Variants in ANO10 observed in about 807,000 individuals in gnomAD.
ANO10 encodes anoctamin 10, also known as anoctamin-10.
A neutral mutation model predicts 74.7 loss-of-function variants in ANO10; 77 were observed. The ratio of observed to expected loss-of-function variants is 1.03; its 90% confidence interval spans 0.86 to 1.25. ANO10 has a LOEUF of 1.25. Among genes scored for constraint, ANO10 ranks in the 50% most tolerant of loss-of-function variants. The probability of loss-of-function intolerance (pLI) is 0.00; values close to 1 mark genes in which losing one functional copy is unlikely to be tolerated. For synonymous variants in ANO10, 279 were observed against 284.9 expected, an observed-to-expected ratio of 0.98 and a Z score of 0.21; for missense variants, 721 against 778.1, an observed-to-expected ratio of 0.93 and a Z score of 0.87.
chr3:43,374,842 C>T lies in ANO10; in HGVS notation c.1915-7868G>A, dbSNP rs147225583. Among the ~76,000 whole-genome samples, 191 of 152,254 alleles carry T rather than the reference C, an allele frequency of 1.3e-3. 3 individuals are homozygous for T. In the East Asian group the frequency reaches 0.028, roughly 22 times the overall value. Reference sequence around the variant, plus strand: ...AGTGCTTAAAACTTTAAGAACTGGCCGGGCGCGGTGGCTCACACCTGTAAT... The same window carrying T: ...AGTGCTTAAAACTTTAAGAACTGGCTGGGCGCGGTGGCTCACACCTGTAAT... On this transcript the variant is annotated intron_variant, in intron 12 of 12. Coordinates refer to ENST00000292246, the MANE Select transcript of ANO10 (RefSeq NM_018075.5).
chr3:43,645,091 C>G (rs1456150992), intron 1 of ANO10, among the ~76,000 whole-genome samples: 2 of 152,026 alleles, frequency 1.3e-5, no homozygotes, highest in Non-Finnish European at 2.9e-5. Context: ...GTCAAGGAGG[C>G]CACATCTCAT....
intron 12 of ANO10, among the ~76,000 whole-genome samples, chr3:43,369,214 A>G (rs2091518016): frequency 6.6e-6 from 1 of 152,246 alleles, no homozygotes; most frequent in South Asian, 2.1e-4. Flanking sequence ...TCTCAGGCCC[A>G]GGGTTGGGGG....
chr3:43,684,697 A>G (rs1261556477), intron 1 of ANO10, among the ~76,000 whole-genome samples: 1 of 152,226 alleles, frequency 6.6e-6, no homozygotes, highest in Non-Finnish European at 1.5e-5. Context: ...TTCAACAATG[A>G]TAGACTGGAT....
At chr3:43,571,662 A>T (rs2080725789) in intron 7 of ANO10, among the ~76,000 whole-genome samples, 1 of 150,238 alleles carries the variant, frequency 6.7e-6, no homozygotes. Flanking sequence ...AGGAAGGGGA[A>T]TATCACACTC....
intron 11 of ANO10, among the ~76,000 whole-genome samples, chr3:43,512,421 C>G (rs2077543991): frequency 6.6e-6 from 1 of 152,120 alleles, no homozygotes; most frequent in South Asian, 2.1e-4. Flanking sequence ...CGCTTCATAA[C>G]AATGTTATGA....
intron 11 of ANO10, 22 bp downstream of exon 11, chr3:43,549,698 A>G (rs775184418): frequency 6.8e-6 from 11 of 1,613,430 alleles, no homozygotes; most frequent in African/African-American, 2.7e-5. Context: ...ACTGCTTAAA[A>G]TAAGTTTAAA....
At chr3:43,494,460 T>A (rs2076843441) in intron 11 of ANO10, among the ~76,000 whole-genome samples, 1 of 151,536 alleles carries the variant, frequency 6.6e-6, no homozygotes, top group Admixed American at 6.6e-5. Flanking sequence ...TCTCAAAAAA[T>A]AAAAAATAGA....
At chr3:43,382,771 C>A (rs1254565931) in intron 12 of ANO10, among the ~76,000 whole-genome samples, 1 of 152,086 alleles carries the variant, frequency 6.6e-6, no homozygotes, top group African/African-American at 2.4e-5. Context: ...ACTAGGAAAC[C>A]TAGAGGAGAC....
At chr3:43,654,332 G>A (rs111871990) in intron 1 of ANO10, among the ~76,000 whole-genome samples, 15 of 151,886 alleles carry the variant, frequency 9.9e-5, no homozygotes, top group Non-Finnish European at 2.2e-4. Flanking sequence ...CTCCTTTTCC[G>A]ACCCCTAGAT....
intron 11 of ANO10, among the ~76,000 whole-genome samples, chr3:43,487,457 T>G (rs1442838960): frequency 2.6e-5 from 4 of 152,100 alleles, no homozygotes; most frequent in Admixed American, 2.6e-4. Flanking sequence ...GTTGGTAAGC[T>G]ATTGATTATT....
At chr3:43,391,193 G>T (rs112008747) in intron 12 of ANO10, among the ~76,000 whole-genome samples, 3 of 152,272 alleles carry the variant, frequency 2.0e-5, no homozygotes, top group African/African-American at 7.2e-5. Context: ...TTCCCTAAAT[G>T]ATTTTGAAAG....
intron 11 of ANO10, among the ~76,000 whole-genome samples, chr3:43,443,254 G>T (rs992319257): frequency 6.6e-6 from 1 of 152,174 alleles, no homozygotes; most frequent in Non-Finnish European, 1.5e-5. Flanking sequence ...CAAGGAGTTG[G>T]TCTTAAAAGA....
intron 10 of ANO10, among the ~76,000 whole-genome samples, chr3:43,553,404 TC>T (rs2079577278): frequency 6.6e-6 from 1 of 152,150 alleles, no homozygotes; most frequent in Admixed American, 6.6e-5. Context: ...TTTGGGCCCC[TC>T]CCTCTTTCTT....
At chr3:43,473,944 C>T (rs2075964385) in intron 11 of ANO10, among the ~76,000 whole-genome samples, 1 of 152,164 alleles carries the variant, frequency 6.6e-6, no homozygotes, top group African/African-American at 2.4e-5. Context: ...GACAACACAG[C>T]TGGGCTGAGG....
In ANO10 at chr3:43,505,041, T is replaced by C. The variant is rs543170130; in HGVS notation, c.1797+44679A>G. 2.6e-5 allele frequency among the ~76,000 whole-genome samples: 4 copies of C among 152,224 alleles called. No homozygotes were observed. The East Asian group carries it at 7.7e-4, about 29-fold the overall frequency. ...AAATCTGAACAAAGTTCTTTTGAAT[T>C]CTATTAAGTGCCATGAGAGTTGCTC... On this transcript the variant is annotated intron_variant, in intron 11 of 12. Transcript: ENST00000292246.
chr3:43,598,126 T>C (rs1254663234), intron 4 of ANO10, among the ~76,000 whole-genome samples: 1 of 152,224 alleles, frequency 6.6e-6, no homozygotes. Flanking sequence ...AACCAAAATG[T>C]TGCAAAATTC....
intron 1 of ANO10, among the ~76,000 whole-genome samples, chr3:43,648,548 G>A (rs2083750532): frequency 6.6e-6 from 1 of 152,128 alleles, no homozygotes; most frequent in African/African-American, 2.4e-5. Context: ...AGACCATACA[G>A]GGTAATTTCT....
At chr3:43,563,810 T>A (rs894920187) in intron 8 of ANO10, among the ~76,000 whole-genome samples, 1 of 151,952 alleles carries the variant, frequency 6.6e-6, no homozygotes, top group African/African-American at 2.4e-5. Context: ...GTTGATCTCA[T>A]AGAGATAGAG....
intron 1 of ANO10, among the ~76,000 whole-genome samples, chr3:43,676,261 C>A (rs992909344): frequency 1.3e-5 from 2 of 151,496 alleles, no homozygotes; most frequent in African/African-American, 4.9e-5. Flanking sequence ...GAGTTTGACA[C>A]CAGCCTGGAC....
Sources: gnomAD v4.1 joint callset for allele counts (sites outside exome capture counted in the v4.1 genomes callset) on GRCh38, gnomAD v4.1.1 for gene constraint, MANE v1.5 for transcripts, NCBI Gene and HGNC (gene_info 2026-07-23, HGNC 2026-07-21) for gene names.